The following ADARB2 variants were observed in gnomAD, a reference collection of about 807,000 sequenced individuals.
ADARB2 encodes the protein adenosine deaminase RNA specific B2 (inactive), also known as inactive double-stranded RNA-specific editase B2.
In ADARB2, 25 loss-of-function variants were observed where a neutral mutation model predicts 62.2. The ratio of observed to expected loss-of-function variants is 0.40; its 90% CI spans 0.29 to 0.56. The LOEUF is 0.56. ADARB2 is among the 20% of genes least tolerant of loss of function. The pLI is 0.43. For missense variants in ADARB2, 1,071 were observed against 1,077.4 expected, an observed-to-expected ratio of 0.99 and a Z score of 0.08; for synonymous variants, 572 against 500.8, an observed-to-expected ratio of 1.14 and a Z score of -1.90.
rs1450997844 is a variant in ADARB2, at chr10:1,571,957, AGGTGAGTGTGCAGGTGAGTGTGCT to A, written c.100+165070_100+165093del. On this transcript the variant is annotated intron_variant, in intron 1 of 9. Transcript: ENST00000381312. ...CTGGTGAGCGGACAGGTGAGTAGGC[AGGTGAGTGTGCAGGTGAGTGTGCT>A]GGTGAGTGTGCAGGTGAGTGTGCTG... Among the ~76,000 whole-genome samples the A allele has an allele frequency of 4.7e-3, 685 of 145,936 alleles. 8 individuals are homozygous for A. Among genetic ancestry groups the A allele is most frequent in the African/African-American group, 0.017 (636 of 38,378 alleles).
chr10:1,497,689 G>A (rs919662110), intron 1 of ADARB2, among the ~76,000 whole-genome samples: 1 of 152,114 alleles, frequency 6.6e-6, no homozygotes. Flanking sequence ...ATTTCATAAA[G>A]AACTTGTTCT....
At position 1,426,923 on chromosome 10, in the gene ADARB2, CT is replaced by C. The variant is rs1832897890; in HGVS notation, c.101-47764del. On this transcript the variant is annotated intron_variant, in intron 1 of 9. Transcript: ENST00000381312. The surrounding 1 kb of genome is among the most constrained non-coding windows in gnomAD (Gnocchi z 4.1). ...CAGTTGTGAAAGAGCCGGAGGACCC[CT>C]GTCCCCAAACCCTGCCCATCGGGAA... Among the ~76,000 whole-genome samples, 1 of 152,274 alleles carries C rather than the reference CT, an allele frequency of 6.6e-6. No individual in the cohort carries two copies. The highest frequency in any genetic ancestry group is 1.5e-5 in the Non-Finnish European group (1 of 68,052).
intron 7 of ADARB2, among the ~76,000 whole-genome samples, chr10:1,210,300 C>T (rs560162124): frequency 2.6e-5 from 4 of 152,276 alleles, no homozygotes; most frequent in Non-Finnish European, 2.9e-5. Context: ...GGCACGAAGT[C>T]GGAGATCAAA....
chr10:1,625,427 C>T (rs555521985), intron 1 of ADARB2, among the ~76,000 whole-genome samples: 26 of 152,186 alleles, frequency 1.7e-4, no homozygotes, highest in Admixed American at 1.3e-4. Flanking sequence ...TGCACCTTGG[C>T]GCTGGTGGGG....
intron 3 of ADARB2, among the ~76,000 whole-genome samples, chr10:1,282,171 TTA>T (rs1831376646): frequency 6.6e-6 from 1 of 152,156 alleles, no homozygotes; most frequent in Non-Finnish European, 1.5e-5. Flanking sequence ...GGGGTCCCAT[TTA>T]CTAACTGCAG....
At chr10:1,224,208 G>T (rs1830723018) in intron 6 of ADARB2, among the ~76,000 whole-genome samples, 1 of 152,116 alleles carries the variant, frequency 6.6e-6, no homozygotes, top group African/African-American at 2.4e-5. Context: ...TAGTTTATTT[G>T]CATAGAGGTG....
At chr10:1,202,587 C>A (rs11250328) in intron 7 of ADARB2, among the ~76,000 whole-genome samples, 1 of 152,266 alleles carries the variant, frequency 6.6e-6, no homozygotes, top group Non-Finnish European at 1.5e-5. Flanking sequence ...TGGCCCTCCT[C>A]GGGACGTAAG....
In ADARB2 at chr10:1,459,593, G is replaced by A. The variant is rs991463355; in HGVS notation, c.101-80433C>T. Among the ~76,000 whole-genome samples, 3 of 152,264 alleles carry A rather than the reference G, an allele frequency of 2.0e-5. No homozygotes were observed. In the East Asian group the frequency reaches 5.8e-4, roughly 29 times the overall value. On this transcript the variant is annotated intron_variant, in intron 1 of 9. Coordinates refer to ENST00000381312, the MANE Select transcript of ADARB2 (RefSeq NM_018702.4). ...AGCCCGGCCAACATGGCCAAACCCC[G>A]TCTCTACTAAAAATACAAAATTAGC...
At chr10:1,540,164 T>C (rs1235030060) in intron 1 of ADARB2, among the ~76,000 whole-genome samples, 5 of 152,156 alleles carry the variant, frequency 3.3e-5, no homozygotes, top group Non-Finnish European at 7.4e-5. Flanking sequence ...AAACAGGATT[T>C]TATTTGCAGT....
intron 1 of ADARB2, among the ~76,000 whole-genome samples, chr10:1,622,528 C>A (rs1221133985): frequency 6.6e-6 from 1 of 152,004 alleles, no homozygotes; most frequent in Non-Finnish European, 1.5e-5. Context: ...AAATTTTGAA[C>A]AGTCATGCCA....
chr10:1,725,470 G>A (rs1835151943), intron 1 of ADARB2, among the ~76,000 whole-genome samples: 1 of 152,190 alleles, frequency 6.6e-6, no homozygotes, highest in Non-Finnish European at 1.5e-5. Flanking sequence ...AGTGAGTCCT[G>A]CAGCCCAGAG....
At chr10:1,407,128 G>A (rs1378241541) in intron 1 of ADARB2, among the ~76,000 whole-genome samples, 1 of 152,224 alleles carries the variant, frequency 6.6e-6, no homozygotes, top group Non-Finnish European at 1.5e-5. Context: ...AGTCCACTGA[G>A]TAGCCTCTGA....
chr10:1,516,878 G>C (rs879518958), intron 1 of ADARB2, among the ~76,000 whole-genome samples: 1 of 152,202 alleles, frequency 6.6e-6, no homozygotes, highest in Non-Finnish European at 1.5e-5. Flanking sequence ...TGGCTGGGTA[G>C]TTTATTCTAG....
intron 1 of ADARB2, among the ~76,000 whole-genome samples, chr10:1,399,848 C>CTTGAGAG: frequency 6.6e-6 from 1 of 152,284 alleles, no homozygotes; most frequent in South Asian, 2.1e-4. Flanking sequence ...CAGCAGGGGG[C>CTTGAGAG]TGCCCTTGAG....
intron 1 of ADARB2, among the ~76,000 whole-genome samples, chr10:1,435,484 A>C (rs527316976): frequency 2.7e-5 from 4 of 148,232 alleles, no homozygotes; most frequent in African/African-American, 7.9e-5. Flanking sequence ...CCTTCTGCGC[A>C]AGGACCATTA....
chr10:1,411,806 C>T (rs1014033674), intron 1 of ADARB2, among the ~76,000 whole-genome samples: 3 of 152,244 alleles, frequency 2.0e-5, no homozygotes, highest in Non-Finnish European at 4.4e-5. Context: ...AAGTGCCCCT[C>T]AGCGCTTGAT....
chr10:1,235,132 G>C (rs996686896), intron 5 of ADARB2, among the ~76,000 whole-genome samples: 2 of 151,302 alleles, frequency 1.3e-5, no homozygotes, highest in African/African-American at 4.9e-5. Context: ...CTGTGGATTT[G>C]CCAGTGCTGC....
chr10:1,732,841 G>A (rs544065123), intron 1 of ADARB2, among the ~76,000 whole-genome samples: 5 of 152,198 alleles, frequency 3.3e-5, no homozygotes, highest in East Asian at 1.9e-4. Context: ...GCAAGCCGGC[G>A]TCTGCCATCC....
chr10:1,358,741 C>A (rs966054557), intron 3 of ADARB2, among the ~76,000 whole-genome samples: 32 of 151,774 alleles, frequency 2.1e-4, no homozygotes, highest in African/African-American at 7.8e-4. Context: ...TGGGAGAGTG[C>A]GGGGTGAGGG....
Sources: gnomAD v4.1 joint callset for allele counts (sites outside exome capture counted in the v4.1 genomes callset) on GRCh38, gnomAD v4.1.1 for gene constraint, Gnocchi (gnomAD v3.1) non-coding constraint, MANE v1.5 for transcripts, NCBI Gene and HGNC (gene_info 2026-07-23, HGNC 2026-07-21) for gene names.